The following POFUT3 variants were observed in gnomAD, a reference collection of about 807,000 sequenced individuals.
POFUT3 encodes protein O-fucosyltransferase 3.
chr8:33,444,419 G>A, the POFUT3 span, among the ~76,000 whole-genome samples: 1 of 152,126 alleles, frequency 6.6e-6, no homozygotes, highest in African/African-American at 2.4e-5. Context: ...CAGAACGTGT[G>A]TGCTCGCAGG....
chr8:33,461,582 C>T, the POFUT3 span: 4 of 1,546,430 alleles, frequency 2.6e-6, no homozygotes, highest in South Asian at 2.3e-5. Context: ...GCCATTCCTG[C>T]TGGGACCAGG....
chr8:33,416,234 A>G, the POFUT3 span, among the ~76,000 whole-genome samples: 1 of 152,374 alleles, frequency 6.6e-6, no homozygotes, highest in South Asian at 2.1e-4. Flanking sequence ...ATTAATGCAG[A>G]GAATTAATCC....
chr8:33,395,919 G>A, the POFUT3 span, among the ~76,000 whole-genome samples: 13 of 152,216 alleles, frequency 8.5e-5, no homozygotes, highest in Admixed American at 1.3e-4. Flanking sequence ...CATCCCTGTC[G>A]CAAGGCCCAC....
chr8:33,336,475 T>C, the POFUT3 span, among the ~76,000 whole-genome samples: 1 of 152,234 alleles, frequency 6.6e-6, no homozygotes, highest in Non-Finnish European at 1.5e-5. Context: ...TTTTTAATAG[T>C]GGCTGTTTTT....
At chr8:33,385,089 T>C in the POFUT3 span, among the ~76,000 whole-genome samples, 1 of 152,186 alleles carries the variant, frequency 6.6e-6, no homozygotes, top group Non-Finnish European at 1.5e-5. Flanking sequence ...AGTCCATACA[T>C]GGGACTGTGC....
chr8:33,346,638 T>G, the POFUT3 span, among the ~76,000 whole-genome samples: 4 of 152,176 alleles, frequency 2.6e-5, no homozygotes, highest in East Asian at 5.8e-4. Context: ...TCTGCAGAAA[T>G]CAGAGGTATA....
At chr8:33,344,576 C>T in the POFUT3 span, among the ~76,000 whole-genome samples, 1 of 152,222 alleles carries the variant, frequency 6.6e-6, no homozygotes, top group Non-Finnish European at 1.5e-5. Context: ...CAAATTACAG[C>T]AGCTAATTGG....
chr8:33,385,671 C>T, the POFUT3 span, among the ~76,000 whole-genome samples: 1 of 152,028 alleles, frequency 6.6e-6, no homozygotes, highest in African/African-American at 2.4e-5. Context: ...TACTTGAGGT[C>T]AGGAGTTCGA....
the POFUT3 span, among the ~76,000 whole-genome samples, chr8:33,364,906 C>T: frequency 2.0e-3 from 306 of 152,226 alleles, 2 homozygotes; most frequent in African/African-American, 7.0e-3. Context: ...TTGGAAAAAC[C>T]GACTTTAAAT....
At chr8:33,452,099 A>ATG in the POFUT3 span, 9 of 151,808 alleles carry the variant, frequency 5.9e-5, no homozygotes, top group Non-Finnish European at 8.8e-5. Flanking sequence ...ATATGTATAT[A>ATG]TATATGTGTG....
chr8:33,351,978 A>C, the POFUT3 span, among the ~76,000 whole-genome samples: 1 of 152,182 alleles, frequency 6.6e-6, no homozygotes, highest in South Asian at 2.1e-4. Flanking sequence ...ATTGAGACAA[A>C]ATCTTTTGCT....
chr8:33,384,259 G>A, the POFUT3 span, among the ~76,000 whole-genome samples: 1 of 152,120 alleles, frequency 6.6e-6, no homozygotes, highest in African/African-American at 2.4e-5. Context: ...AAGAGCTTTG[G>A]TTCTCACTCA....
the POFUT3 span, chr8:33,372,606 CT>C: frequency 6.2e-7 from 1 of 1,613,942 alleles, no homozygotes. Flanking sequence ...CCCCAAAACT[CT>C]TGAGATGAAA....
the POFUT3 span, among the ~76,000 whole-genome samples, chr8:33,380,122 C>CACTATATATATAT: frequency 1.9e-5 from 1 of 53,336 alleles, no homozygotes; most frequent in African/African-American, 1.4e-4. Context: ...TATATATATA[C>CACTATATATATAT]ACTATATATA....
At chr8:33,434,468 G>A in the POFUT3 span, among the ~76,000 whole-genome samples, 1 of 152,180 alleles carries the variant, frequency 6.6e-6, no homozygotes, top group East Asian at 1.9e-4. Context: ...GGAAAGGCAA[G>A]CTAATGGGAA....
At chr8:33,469,807 T>C in the POFUT3 span, among the ~76,000 whole-genome samples, 6 of 119,828 alleles carry the variant, frequency 5.0e-5, no homozygotes, top group African/African-American at 1.7e-4. Context: ...CTTTTTCTTT[T>C]TTTTTTTTTT....
the POFUT3 span, among the ~76,000 whole-genome samples, chr8:33,422,042 AAAAAC>A: frequency 2.0e-5 from 3 of 151,846 alleles, no homozygotes; most frequent in African/African-American, 4.8e-5. Flanking sequence ...AAACAAAAAC[AAAAAC>A]AAAAAAAAAC....
the POFUT3 span, among the ~76,000 whole-genome samples, chr8:33,309,377 T>TGTGTGTGTGTGTGTG: frequency 2.4e-3 from 356 of 146,226 alleles, 3 homozygotes; most frequent in Middle Eastern, 7.0e-3. Flanking sequence ...GTGTGTGTGT[T>TGTGTGTGTGTGTGTG]TTTCTCCCCT....
chr8:33,446,410 T>C, the POFUT3 span, among the ~76,000 whole-genome samples: 2 of 148,364 alleles, frequency 1.3e-5, no homozygotes, highest in Non-Finnish European at 3.0e-5. Context: ...TGAGTCGATA[T>C]CACACCACTG....
Sources: gnomAD v4.1 joint callset for allele counts (sites outside exome capture counted in the v4.1 genomes callset) on GRCh38, gnomAD v4.1.1 for gene constraint, MANE v1.5 for transcripts, NCBI Gene and HGNC (gene_info 2026-07-23, HGNC 2026-07-21) for gene names.